Variants in CDADC1 observed in about 807,000 individuals in gnomAD.
The protein encoded by CDADC1 is dCTP deaminase.
Under a neutral mutation model 54.9 loss-of-function variants are expected in CDADC1, and 39 were observed. The observed-to-expected ratio is 0.71, with a 90% CI of 0.55 to 0.93. CDADC1 has a LOEUF of 0.93. CDADC1 is among the 40% of genes least tolerant of loss of function. The pLI is 0.00. For missense variants in CDADC1, 518 were observed against 618.8 expected, an observed-to-expected ratio of 0.84 and a Z score of 1.73; for synonymous variants, 186 against 204.0, an observed-to-expected ratio of 0.91 and a Z score of 0.75.
chr13:49,253,695 C>G (rs771324729), intron 2 of CDADC1, among the ~76,000 whole-genome samples: 1 of 152,008 alleles, frequency 6.6e-6, no homozygotes, highest in African/African-American at 2.4e-5. Context: ...TTGTTGTCTC[C>G]TTATTTATTT....
chr13:49,249,526 G>A (rs1163517007), intron 2 of CDADC1, among the ~76,000 whole-genome samples: 1 of 152,116 alleles, frequency 6.6e-6, no homozygotes, highest in African/African-American at 2.4e-5. Flanking sequence ...CTGAGGTCAG[G>A]AGTTCAAAAC....
intron 4 of CDADC1, among the ~76,000 whole-genome samples, chr13:49,266,954 T>G (rs1187955257): frequency 6.6e-6 from 1 of 152,142 alleles, no homozygotes; most frequent in Non-Finnish European, 1.5e-5. Flanking sequence ...GAGTATATAG[T>G]TTTAGCGCTG....
In CDADC1 at chr13:49,247,966, C is replaced by T. The variant is rs571674859; in HGVS notation, c.-72C>T. ...ACAGTTGCTGAGAGGAGGCGAGAGG[C>T]GGGGGCGCTAGGGCCGAGATCATGT... On this transcript the variant is annotated 5_prime_UTR_variant, in exon 1 of 10. Coordinates refer to ENST00000251108, the MANE Select transcript of CDADC1 (RefSeq NM_030911.4). The T allele has an allele frequency of 4.1e-5, 57 of 1,375,762 alleles. No individual in the cohort carries two copies. In the Middle Eastern group the frequency reaches 5.3e-4, roughly 13 times the overall value. 85.2% of individuals were successfully genotyped at this position (1,375,762 alleles called of 1,614,324 possible). A position where few individuals can be genotyped will look rare whatever the true frequency, so the allele number is the denominator to read the frequency against.
At chr13:49,284,906 G>T (rs967797650) in intron 8 of CDADC1, among the ~76,000 whole-genome samples, 3 of 152,166 alleles carry the variant, frequency 2.0e-5, no homozygotes, top group African/African-American at 7.2e-5. Context: ...TTCTGATAGA[G>T]ATTCTATCCA....
chr13:49,279,088 A>G lies in CDADC1; in HGVS notation c.1220+569A>G, dbSNP rs146791735. 2.4e-3 allele frequency among the ~76,000 whole-genome samples: 373 copies of G among 152,310 alleles called. 3 individuals are homozygous for G. Among genetic ancestry groups the G allele is most frequent in the African/African-American group, 8.5e-3 (352 of 41,564 alleles). ...TTTATAATGAACCAAATTGCTTCAAAAGAGCTTTTGTTAGTGATTATACCT... is the reference window on the plus strand; with the variant it reads ...TTTATAATGAACCAAATTGCTTCAAGAGAGCTTTTGTTAGTGATTATACCT... On this transcript the variant is annotated intron_variant, in intron 7 of 9. Coordinates refer to ENST00000251108, the MANE Select transcript of CDADC1 (RefSeq NM_030911.4).
Position 49,291,796 on chromosome 13 carries a change from T to C in CDADC1, c.*39T>C, listed in dbSNP as rs1259865655. On this transcript the variant is annotated 3_prime_UTR_variant, in exon 10 of 10. Transcript: ENST00000251108. ...CACTGCAGGGGAACCTCAAGAACTT[T>C]TCATTGCACTTCTAAAATTCAGCCT... 1 of 1,586,448 alleles carries C rather than the reference T, an allele frequency of 6.3e-7. No individual in the cohort carries two copies. The highest frequency in any genetic ancestry group is 8.6e-7 in the Non-Finnish European group (1 of 1,168,726).
At chr13:49,284,962 T>C (rs1953463800) in intron 8 of CDADC1, among the ~76,000 whole-genome samples, 1 of 152,204 alleles carries the variant, frequency 6.6e-6, no homozygotes, top group Non-Finnish European at 1.5e-5. Context: ...TTACTCTCCA[T>C]TTTTATTTTC....
rs117126694 is a variant in CDADC1 at position 49,286,457 on chromosome 13, G to A, written c.1471+175G>A. On this transcript the variant is annotated intron_variant, in intron 9 of 9. Transcript: ENST00000251108. The stretch of plus-strand genomic sequence containing the variant: ...TTTGTGGGTCTACCATATGCTAGGT[G>A]CTATGGAAAGTGCCGATTAATAATT... Among the ~76,000 whole-genome samples the A allele has an allele frequency of 2.6e-5, 4 of 152,286 alleles. 1 individual carries two copies. In the East Asian group the frequency reaches 7.7e-4, roughly 29 times the overall value.
At chr13:49,260,902 T>C (rs1228894195) in intron 4 of CDADC1, among the ~76,000 whole-genome samples, 1 of 152,210 alleles carries the variant, frequency 6.6e-6, no homozygotes, top group African/African-American at 2.4e-5. Context: ...TTCCATATTA[T>C]GAAAGGCTGG....
At position 49,248,085 on chromosome 13, in the gene CDADC1, G is replaced by A. The variant is rs1367000952; in HGVS notation, c.48G>A (p.Gly16=). The change falls in exon 1 of 10, where the codon GGG becomes GGA. Residue 16 remains glycine (G), a synonymous_variant. Coordinates refer to ENST00000251108, the MANE Select transcript of CDADC1 (RefSeq NM_030911.4). ...AAAATCTGGAGAGCGCGAGGGCCGG[G>A]CGGTCAGTCAGCACCCAGACTGGCA... ...QMQNLESARA[G]RSVSTQTGSM... is the part of the protein sequence containing the mutation. The A allele has an allele frequency of 1.3e-6, 2 of 1,553,570 alleles. No individual in the cohort carries two copies. Among genetic ancestry groups the A allele is most frequent in the Non-Finnish European group, 1.7e-6 (2 of 1,148,180 alleles).
intron 4 of CDADC1, among the ~76,000 whole-genome samples, chr13:49,263,082 A>T (rs1952723577): frequency 2.0e-5 from 3 of 152,228 alleles, no homozygotes; most frequent in South Asian, 4.1e-4. Flanking sequence ...AAAACCATGT[A>T]TGTGATTGTT....
At position 49,292,876 on chromosome 13, in the gene CDADC1, A is replaced by C; in HGVS notation, c.*1119A>C. ...CTTTTGTTCCCTGCCTTTCCGCCAC[A>C]TCACACGGCCTCACTGGGCTTCCTA... On this transcript the variant is annotated 3_prime_UTR_variant, in exon 10 of 10. Transcript: ENST00000251108. 1.1e-6 allele frequency: 1 copy of C among 930,538 alleles called. No homozygotes were observed. Among genetic ancestry groups the C allele is most frequent in the South Asian group, 1.5e-5 (1 of 65,288 alleles). The allele number at this position is 930,538 out of a possible 1,614,324, so 57.6% of individuals were successfully genotyped here.
chr13:49,261,456 A>C (rs1057327549), intron 4 of CDADC1, among the ~76,000 whole-genome samples: 1 of 152,246 alleles, frequency 6.6e-6, no homozygotes, highest in Non-Finnish European at 1.5e-5. Context: ...CTCATGTTCA[A>C]CTGACCTACA....
At chr13:49,287,456 A>C (rs559886226) in intron 9 of CDADC1, among the ~76,000 whole-genome samples, 4 of 151,316 alleles carry the variant, frequency 2.6e-5, no homozygotes, top group African/African-American at 9.8e-5. Context: ...ATTTATTAGC[A>C]AAAAAGGCTG....
At chr13:49,281,829 A>G (rs1289710711) in intron 8 of CDADC1, among the ~76,000 whole-genome samples, 1 of 152,176 alleles carries the variant, frequency 6.6e-6, no homozygotes, top group Non-Finnish European at 1.5e-5. Context: ...AGTTTCACTC[A>G]TTGCCCAGGC....
chr13:49,287,222 T>C (rs1383948862), intron 9 of CDADC1, among the ~76,000 whole-genome samples: 1 of 152,052 alleles, frequency 6.6e-6, no homozygotes, highest in Non-Finnish European at 1.5e-5. Flanking sequence ...AACTATATTA[T>C]CGAATTATTT....
intron 1 of CDADC1, 155 bp downstream of exon 1, chr13:49,248,274 C>G (rs1462833596): frequency 1.6e-6 from 1 of 635,406 alleles, no homozygotes; most frequent in African/African-American, 1.8e-5. Flanking sequence ...CCTCCGCGGT[C>G]GCCAGGACCA....
rs1952855464 is a variant in CDADC1, at chr13:49,267,801, G to A, written c.742G>A (p.Glu248Lys). Residue 248 changes from glutamate (E) to lysine (K), a missense_variant, in exon 5 of 10, where the codon GAA (glutamate) becomes AAA (lysine). Coordinates refer to ENST00000251108, the MANE Select transcript of CDADC1 (RefSeq NM_030911.4). ...TGAAATGTTATTTTTGGTTTCAAAT[G>A]AAGAAATGCATAAGCAAATACTGAT... ...EYEMLFLVSN[E>K]EMHKQILMTI... 1.9e-6 allele frequency: 3 copies of A among 1,612,712 alleles called. No individual in the cohort carries two copies. The highest frequency in any genetic ancestry group is 1.7e-5 in the Admixed American group (1 of 59,868).
intron 4 of CDADC1, among the ~76,000 whole-genome samples, chr13:49,260,101 TA>T (rs1952640559): frequency 6.6e-6 from 1 of 151,888 alleles, no homozygotes; most frequent in East Asian, 1.9e-4. Flanking sequence ...CTCTAAAAAA[TA>T]AAATAAAAAA....
Sources: allele counts gnomAD v4.1 joint callset (sites outside exome capture counted in the v4.1 genomes callset), GRCh38; gene constraint gnomAD v4.1.1; transcripts MANE v1.5; gene names NCBI Gene and HGNC (gene_info 2026-07-23, HGNC 2026-07-21).